The following GTF3C3 variants were observed in gnomAD, a reference collection of about 807,000 sequenced individuals.
The protein encoded by GTF3C3 is general transcription factor 3C polypeptide 3.
Under a neutral mutation model 105.2 loss-of-function variants are expected in GTF3C3, and 75 were observed. That is an observed-to-expected ratio of 0.71 (90% CI 0.59 to 0.86). GTF3C3 has a LOEUF of 0.86. Ranked by LOEUF, GTF3C3 falls within the 40% of genes least tolerant of loss-of-function variation. The pLI is 0.00. For missense variants in GTF3C3, 856 were observed against 1,076.5 expected (o/e 0.80, Z 2.87); for synonymous variants, 335 against 370.4 (o/e 0.90, Z 1.10).
intron 8 of GTF3C3, among the ~76,000 whole-genome samples, chr2:196,783,177 G>GT (rs1699395401): frequency 7.0e-6 from 1 of 143,442 alleles, no homozygotes; most frequent in African/African-American, 2.6e-5. Flanking sequence ...CAGATGCACC[G>GT]TTATTTTACA....
Position 196,785,596 on chromosome 2 carries a change from A to C in GTF3C3, c.894-8T>G. 6.3e-7 allele frequency: 1 copy of C among 1,579,474 alleles called. No individual in the cohort carries two copies. ...TTGGCTTCATAGTAACTCCTAAAAA[A>C]AAGTGGCAAAATGGATGAATATTTA... On this transcript the variant is annotated splice_polypyrimidine_tract_variant and splice_region_variant and intron_variant, in intron 6 of 17. Transcript: ENST00000263956.
chr2:196,785,623 T>C (rs896186151), intron 6 of GTF3C3, 35 bp from the exon 7 acceptor site: 1 of 1,305,214 alleles, frequency 7.7e-7, no homozygotes, highest in Non-Finnish European at 1.1e-6. Context: ...GAATATTTAC[T>C]TAATTCCAAT....
At chr2:196,775,018 A>G (rs780993154) in intron 13 of GTF3C3, 98 bp downstream of exon 13, 16 of 786,308 alleles carry the variant, frequency 2.0e-5, no homozygotes, top group Middle Eastern at 2.6e-4. Context: ...TTTTATTTGA[A>G]AAGTATATTT....
chr2:196,773,962 T>C (rs1279501215), intron 13 of GTF3C3, among the ~76,000 whole-genome samples: 4 of 152,166 alleles, frequency 2.6e-5, no homozygotes, highest in African/African-American at 9.6e-5. Flanking sequence ...GGTACCGGGG[T>C]TGGGGACCCC....
chr2:196,789,762 A>T, intron 5 of GTF3C3, 117 bp downstream of exon 5: 1 of 651,198 alleles, frequency 1.5e-6, no homozygotes, highest in East Asian at 2.9e-5. Flanking sequence ...AGAGCAACAC[A>T]CAATAGAAAC....
At chr2:196,771,971 TA>T in intron 14 of GTF3C3, 33 bp from the exon 15 acceptor site, 1 of 1,458,498 alleles carries the variant, frequency 6.9e-7, no homozygotes, top group Non-Finnish European at 9.6e-7. Flanking sequence ...AGGGAGAAAA[TA>T]ATGTAAAAAT....
In GTF3C3 at chr2:196,784,877, C is replaced by A. The variant is rs1310559940; in HGVS notation, c.1094G>T (p.Gly365Val). ...ACAACCTTTATTCTCTTCTGAGGTG[C>A]CTTCTTCTGAAGTTTTTTTTTCCAG... ...IVLEKKTSEE[G>V]TSEENKAPEN... Residue 365 changes from glycine (G) to valine (V), a missense_variant, in exon 8 of 18, where the codon GGC becomes GTC. Coordinates refer to ENST00000263956, the MANE Select transcript of GTF3C3 (RefSeq NM_012086.5). 4 of 1,611,176 alleles carry A rather than the reference C, an allele frequency of 2.5e-6. No individual in the cohort carries two copies. Among genetic ancestry groups the A allele is most frequent in the Non-Finnish European group, 3.4e-6 (4 of 1,178,404 alleles).
At position 196,793,061 on chromosome 2, in the gene GTF3C3, T is replaced by TTCTTCCTCTTCCTCCTCATCA; in HGVS notation, c.285_305dup (p.Asp95_Glu101dup). On this transcript the variant is annotated inframe_insertion, in exon 3 of 18. Coordinates refer to ENST00000263956, the MANE Select transcript of GTF3C3 (RefSeq NM_012086.5). Reference sequence around the variant, plus strand: ...CTTCCTCCTCCTCCTCCTCCTCCTCTTCTTCCTCTTCCTCCTCATCATCTT... The same window carrying TTCTTCCTCTTCCTCCTCATCA: ...CTTCCTCCTCCTCCTCCTCCTCCTCTTCTTCCTCTTCCTCCTCATCATCTTCCTCTTCCTCCTCATCATCTT... 1 of 1,611,686 alleles carries TTCTTCCTCTTCCTCCTCATCA rather than the reference T, an allele frequency of 6.2e-7. No individual in the cohort carries two copies. The highest frequency in any genetic ancestry group is 2.2e-5 in the East Asian group (1 of 44,874).
intron 8 of GTF3C3, among the ~76,000 whole-genome samples, chr2:196,783,379 CA>C (rs1699401311): frequency 6.6e-6 from 1 of 152,056 alleles, no homozygotes; most frequent in Admixed American, 6.6e-5. Context: ...CCAAGTTTTC[CA>C]AACAAAGGAC....
At chr2:196,764,733 C>A in intron 17 of GTF3C3, 48 bp from the exon 18 acceptor site, 3 of 1,532,574 alleles carry the variant, frequency 2.0e-6, no homozygotes, top group Non-Finnish European at 2.7e-6. Flanking sequence ...AACTGTCAAC[C>A]GGGACAATTT....
chr2:196,781,357 A>AAAATATATATATAT, intron 8 of GTF3C3, among the ~76,000 whole-genome samples: 5 of 18,814 alleles, frequency 2.7e-4, no homozygotes, highest in Non-Finnish European at 4.5e-4. Flanking sequence ...AAAAAAAAAA[A>AAAATATATATATAT]ATATATATAT....
chr2:196,782,646 C>T (rs954202970), intron 8 of GTF3C3, among the ~76,000 whole-genome samples: 29 of 151,940 alleles, frequency 1.9e-4, no homozygotes, highest in African/African-American at 6.8e-4. Flanking sequence ...ATAGGTGTCA[C>T]AATCTCAATA....
In GTF3C3 at chr2:196,785,011, AAAT is replaced by A. The variant is rs375096522; in HGVS notation, c.1042-85_1042-83del. ...ATGCAAAGATTTGTACAGTTATTTCAAATAATCCCTAATATAAAGTTGGGCTAT... is the reference window on the plus strand; with the variant it reads ...ATGCAAAGATTTGTACAGTTATTTCAAATCCCTAATATAAAGTTGGGCTAT... On this transcript the variant is annotated intron_variant, in intron 7 of 17. Coordinates refer to ENST00000263956, the MANE Select transcript of GTF3C3 (RefSeq NM_012086.5). 5.5e-5 allele frequency: 49 copies of A among 892,202 alleles called. No individual in the cohort carries two copies. In the Middle Eastern group the frequency reaches 9.9e-4, roughly 18 times the overall value. The allele number at this position is 892,202 out of a possible 1,614,324, so 55.3% of individuals were successfully genotyped here. A position where few individuals can be genotyped will look rare whatever the true frequency, so the allele number is the denominator to read the frequency against.
Position 196,799,632 on chromosome 2 carries a change from C to G in GTF3C3, c.-21G>C. ...GACATGTTTACAGGGTCTGTCTGTG[C>G]AACCCCAGGAACCGGGACAGAGAAC... is the stretch of plus-strand genomic sequence containing the variant. On this transcript the variant is annotated 5_prime_UTR_variant, in exon 1 of 18. Coordinates refer to ENST00000263956, the MANE Select transcript of GTF3C3 (RefSeq NM_012086.5). 6.5e-7 allele frequency: 1 copy of G among 1,545,052 alleles called. No individual in the cohort carries two copies. Among genetic ancestry groups the G allele is most frequent in the Non-Finnish European group, 8.9e-7 (1 of 1,117,654 alleles).
Position 196,764,609 on chromosome 2 carries a change from T to C in GTF3C3, c.2615A>G (p.Asn872Ser), listed in dbSNP as rs1397485806. Residue 872 changes from asparagine to serine, a missense_variant, in exon 18 of 18, where the codon AAT becomes AGT. This residue lies in a region of GTF3C3 where 134 missense variants were observed against 128.9 expected (regional missense o/e 1.04). Coordinates refer to ENST00000263956, the MANE Select transcript of GTF3C3 (RefSeq NM_012086.5). ...CAAAAGCGTTTGAGCCATTCCGGTA[T>C]TCCCACTGCTCTGATAGATGAGAGA... ...NLSLIYQSSG[N>S]TGMAQTLLYT... 6.2e-7 allele frequency: 1 copy of C among 1,613,698 alleles called. No individual in the cohort carries two copies. The highest frequency in any genetic ancestry group is 1.3e-5 in the African/African-American group (1 of 75,050).
At position 196,778,764 on chromosome 2, in the gene GTF3C3, A is replaced by T. The variant is rs1000799969; in HGVS notation, c.1390+132T>A. On this transcript the variant is annotated intron_variant, in intron 10 of 17. Transcript: ENST00000263956. ...ACTTAGTAGCCTAGCAAGACAATTT[A>T]AAATACTGACTTTCAAAAAACTCCC... 7 of 756,416 alleles carry T rather than the reference A, an allele frequency of 9.3e-6. No individual in the cohort carries two copies. In the Admixed American group the frequency reaches 1.1e-4, roughly 12 times the overall value. 46.9% of individuals were successfully genotyped at this position (756,416 alleles called of 1,614,324 possible).
chr2:196,775,281 T>TTA, intron 12 of GTF3C3, 30 bp from the exon 13 acceptor site: 2 of 1,584,278 alleles, frequency 1.3e-6, no homozygotes, highest in Non-Finnish European at 1.7e-6. Context: ...TTCAGATTCT[T>TTA]TAAACAATAA....
At chr2:196,795,499 A>C (rs530460379) in intron 2 of GTF3C3, among the ~76,000 whole-genome samples, 1 of 152,336 alleles carries the variant, frequency 6.6e-6, no homozygotes, top group East Asian at 1.9e-4. Flanking sequence ...ATTCAAAATA[A>C]AGATGAAAAG....
At chr2:196,774,212 C>G (rs1699224472) in intron 13 of GTF3C3, among the ~76,000 whole-genome samples, 1 of 152,146 alleles carries the variant, frequency 6.6e-6, no homozygotes, top group Non-Finnish European at 1.5e-5. Context: ...GAGAATCTAT[C>G]CTAAACAAAA....
Sources: allele counts gnomAD v4.1 joint callset (sites outside exome capture counted in the v4.1 genomes callset), GRCh38; gene constraint gnomAD v4.1.1; regional missense constraint gnomAD v4.1.1; transcripts MANE v1.5; gene names NCBI Gene and HGNC (gene_info 2026-07-23, HGNC 2026-07-21).